The following AHCTF1 variants were observed in gnomAD, a reference collection of about 807,000 sequenced individuals.
The protein encoded by AHCTF1 is AT-hook containing transcription factor 1.
AHCTF1 carries 24 observed loss-of-function variants against 248.4 expected under a neutral mutation model. The ratio of observed to expected loss-of-function variants is 0.10; its 90% CI spans 0.07 to 0.14. The LOEUF is 0.14. AHCTF1 is among the 10% of genes least tolerant of loss of function. AHCTF1 has a pLI of 1.00. For synonymous variants in AHCTF1, 786 were observed against 929.8 expected (o/e 0.85, Z 2.81); for missense variants, 2,206 against 2,636.2 (o/e 0.84, Z 3.57).
intron 1 of AHCTF1, chr1:246,931,098 G>C: frequency 6.5e-7 from 1 of 1,547,272 alleles, no homozygotes; most frequent in Non-Finnish European, 8.7e-7. Context: ...TGAGCCCCGA[G>C]TCCAACTTCT....
chr1:246,918,522 G>T, intron 1 of AHCTF1, 145 bp from the exon 2 acceptor site: 2 of 823,166 alleles, frequency 2.4e-6, no homozygotes, highest in Non-Finnish European at 3.5e-6. Context: ...TTGGCCAGAT[G>T]CGGAGGCTCA....
At chr1:246,911,127 C>T (rs908402425) in intron 4 of AHCTF1, among the ~76,000 whole-genome samples, 1 of 152,158 alleles carries the variant, frequency 6.6e-6, no homozygotes, top group Non-Finnish European at 1.5e-5. Flanking sequence ...CAGAGACTTT[C>T]GTTATAAAAT....
chr1:246,868,994 G>T (rs548875259), intron 24 of AHCTF1, among the ~76,000 whole-genome samples: 11 of 150,574 alleles, frequency 7.3e-5, no homozygotes, highest in Non-Finnish European at 1.5e-4. Context: ...ACAGGCGCCC[G>T]CCACCATGCC....
rs1663020301 is a variant in AHCTF1, at chr1:246,877,018, G to A, written c.2869C>T (p.His957Tyr). 1.2e-6 allele frequency: 2 copies of A among 1,612,120 alleles called. No individual in the cohort carries two copies. The highest frequency in any genetic ancestry group is 1.3e-5 in the African/African-American group (1 of 74,976). ...SVQNHEFLLV[H>Y]HLQRANYVPA... ...ACATAATTGGCACGCTGCAAATGGT[G>A]CACTAAAAGGAATTCATGATTCTGA... is the stretch of plus-strand genomic sequence containing the variant. The change falls in exon 23 of 36, where the codon CAC becomes TAC. Residue 957 changes from histidine to tyrosine, a missense_variant. By Grantham distance (83) the His-to-Tyr change is moderately conservative (BLOSUM62 2). Around this residue, in one of 6 missense-constraint regions of AHCTF1, gnomAD observed 955 missense variants for 1,055.6 expected, o/e 0.90. Coordinates refer to ENST00000648844, the MANE Select transcript of AHCTF1 (RefSeq NM_001323342.2).
intron 1 of AHCTF1, 162 bp downstream of exon 1, chr1:246,931,416 C>G (rs1488949382): frequency 1.4e-6 from 2 of 1,458,154 alleles, no homozygotes. Flanking sequence ...CTCGCCCCCT[C>G]GAGCCCCATC....
chr1:246,898,315 A>G lies in AHCTF1; in HGVS notation c.1516T>C (p.Ser506Pro), dbSNP rs548134730. The change falls in exon 12 of 36, where the codon TCA (serine) becomes CCA (proline). Residue 506 changes from serine to proline, a missense_variant. Ser to Pro is a moderately conservative substitution (Grantham distance 74). Transcript: ENST00000648844. ...QKETLTFLKK[S>P]GPSLNELIPD... ...ATGAGTTCATTGAGTGATGGACCTG[A>G]TTTCTTTAAAAAAGTCAAAGTCTGT... 2 of 1,613,394 alleles carry G rather than the reference A, an allele frequency of 1.2e-6. No homozygotes were observed. The highest frequency in any genetic ancestry group is 2.7e-5 in the African/African-American group (2 of 75,024).
chr1:246,898,732 G>GCATTCATC (rs1664783181), intron 11 of AHCTF1, among the ~76,000 whole-genome samples: 1 of 151,908 alleles, frequency 6.6e-6, no homozygotes, highest in Admixed American at 6.6e-5. Context: ...TATAAATACA[G>GCATTCATC]CATTCATCCA....
At chr1:246,905,750 T>C (rs911539931) in intron 5 of AHCTF1, 93 bp from the exon 6 acceptor site, 11 of 850,198 alleles carry the variant, frequency 1.3e-5, no homozygotes, top group Non-Finnish European at 2.1e-5. Context: ...CAACCACTGT[T>C]CCTACACTTC....
intron 20 of AHCTF1, 60 bp from the exon 21 acceptor site, chr1:246,885,740 G>A (rs1663771395): frequency 6.9e-7 from 1 of 1,452,416 alleles, no homozygotes; most frequent in Non-Finnish European, 9.2e-7. Context: ...AGACAAAGTA[G>A]GTAAACCTAA....
intron 12 of AHCTF1, 32 bp from the exon 13 acceptor site, chr1:246,895,957 GGAAA>G: frequency 6.4e-7 from 1 of 1,569,970 alleles, no homozygotes; most frequent in Non-Finnish European, 8.7e-7. Flanking sequence ...GGAAAGAAAT[GGAAA>G]GAAAGAGGGT....
intron 1 of AHCTF1, among the ~76,000 whole-genome samples, chr1:246,928,831 T>G (rs1299689360): frequency 1.3e-5 from 2 of 152,260 alleles, no homozygotes; most frequent in Non-Finnish European, 2.9e-5. Context: ...AATTGTCATT[T>G]AAATGTAAAC....
chr1:246,896,994 G>A (rs941002770), intron 12 of AHCTF1, among the ~76,000 whole-genome samples: 1 of 152,142 alleles, frequency 6.6e-6, no homozygotes, highest in Non-Finnish European at 1.5e-5. Flanking sequence ...ATAGTTTATA[G>A]AAGTTCTACC....
At chr1:246,907,226 AC>A (rs1460920801) in intron 5 of AHCTF1, among the ~76,000 whole-genome samples, 2 of 152,158 alleles carry the variant, frequency 1.3e-5, no homozygotes, top group Admixed American at 6.5e-5. Context: ...ATTTTATGAG[AC>A]CCCTTTCTTA....
chr1:246,862,574 T>C (rs779268358), intron 27 of AHCTF1, among the ~76,000 whole-genome samples: 7 of 152,108 alleles, frequency 4.6e-5, no homozygotes, highest in African/African-American at 1.7e-4. Context: ...AACATATCAA[T>C]AGAAATATTT....
At chr1:246,901,675 A>C (rs1344955205) in intron 8 of AHCTF1, among the ~76,000 whole-genome samples, 1 of 152,084 alleles carries the variant, frequency 6.6e-6, no homozygotes, top group African/African-American at 2.4e-5. Context: ...AAAATTAGCC[A>C]GGTGTGGTGG....
chr1:246,922,982 C>CAAAAAAAAAA (rs34313695), intron 1 of AHCTF1, among the ~76,000 whole-genome samples: 1 of 63,938 alleles, frequency 1.6e-5, no homozygotes, highest in Non-Finnish European at 2.9e-5. Context: ...GACTCTGTCT[C>CAAAAAAAAAA]AAAAAAAAAA....
chr1:246,868,918 C>T (rs1021467622), intron 24 of AHCTF1, among the ~76,000 whole-genome samples: 4 of 146,662 alleles, frequency 2.7e-5, no homozygotes, highest in East Asian at 2.0e-4. Context: ...GATCTCGGCT[C>T]ACTGCAAGTT....
At chr1:246,864,460 AG>A (rs371134950) in intron 26 of AHCTF1, among the ~76,000 whole-genome samples, 9 of 152,350 alleles carry the variant, frequency 5.9e-5, no homozygotes, top group African/African-American at 2.2e-4. Context: ...AAACAGGACA[AG>A]GCTTCCCTGG....
chr1:246,901,780 C>T (rs1446760697), intron 8 of AHCTF1, among the ~76,000 whole-genome samples: 1 of 152,098 alleles, frequency 6.6e-6, no homozygotes, highest in Non-Finnish European at 1.5e-5. Flanking sequence ...ATCATGCCAC[C>T]ACACTCTGGC....
Sources: gnomAD v4.1 joint callset for allele counts (sites outside exome capture counted in the v4.1 genomes callset) on GRCh38, gnomAD v4.1.1 for gene constraint, gnomAD v4.1.1 regional missense constraint, MANE v1.5 for transcripts, NCBI Gene and HGNC (gene_info 2026-07-23, HGNC 2026-07-21) for gene names.